The following QRICH1 variants were observed in gnomAD, a reference collection of about 807,000 sequenced individuals.
The protein encoded by QRICH1 is transcriptional regulator QRICH1.
QRICH1 carries 16 observed loss-of-function variants against 87.1 expected under a neutral mutation model. That is an observed-to-expected ratio of 0.18 (90% CI 0.12 to 0.28). QRICH1 has a LOEUF of 0.28. Ranked by LOEUF, QRICH1 falls within the 10% of genes least tolerant of loss-of-function variation. The pLI is 1.00. For missense variants in QRICH1, 647 were observed against 951.7 expected, an observed-to-expected ratio of 0.68 and a Z score of 4.21; for synonymous variants, 367 against 368.4, an observed-to-expected ratio of 1.00 and a Z score of 0.05.
At chr3:49,060,379 G>C (rs1575352826) in intron 2 of QRICH1, among the ~76,000 whole-genome samples, 1 of 151,458 alleles carries the variant, frequency 6.6e-6, no homozygotes, top group East Asian at 1.9e-4. Flanking sequence ...ATTGTTATTA[G>C]AGACAGGGTT....
intron 2 of QRICH1, among the ~76,000 whole-genome samples, chr3:49,064,264 CAA>C (rs2093453444): frequency 9.5e-6 from 1 of 105,114 alleles, no homozygotes; most frequent in South Asian, 3.1e-4. Flanking sequence ...TTTTTGGAGA[CAA>C]GAGTCTCAGT....
intron 6 of QRICH1, among the ~76,000 whole-genome samples, chr3:49,041,199 A>C (rs2093307830): frequency 6.6e-6 from 1 of 151,738 alleles, no homozygotes; most frequent in Non-Finnish European, 1.5e-5. Flanking sequence ...TGAACTCCCG[A>C]CCTCAAGTGA....
At chr3:49,091,869 G>A (rs888526488) in intron 1 of QRICH1, among the ~76,000 whole-genome samples, 4 of 152,060 alleles carry the variant, frequency 2.6e-5, no homozygotes, top group African/African-American at 9.7e-5. Flanking sequence ...TCAGGAGTTC[G>A]AGACCAGTCT....
At chr3:49,053,932 T>C (rs1216207095) in intron 3 of QRICH1, among the ~76,000 whole-genome samples, 1 of 152,138 alleles carries the variant, frequency 6.6e-6, no homozygotes, top group Non-Finnish European at 1.5e-5. Context: ...GTCTTATTCA[T>C]CTCTATTCCC....
At chr3:49,048,027 C>T (rs2093348633) in intron 3 of QRICH1, among the ~76,000 whole-genome samples, 1 of 152,118 alleles carries the variant, frequency 6.6e-6, no homozygotes. Flanking sequence ...GCTCAAAGCA[C>T]TGCTCCCACA....
chr3:49,059,636 A>C (rs2093423500), intron 2 of QRICH1, among the ~76,000 whole-genome samples: 1 of 150,870 alleles, frequency 6.6e-6, no homozygotes, highest in African/African-American at 2.4e-5. Flanking sequence ...GTTGGCCAGG[A>C]TGGTCTCGAT....
intron 2 of QRICH1, among the ~76,000 whole-genome samples, chr3:49,070,481 C>T (rs1469560513): frequency 6.6e-6 from 1 of 152,152 alleles, no homozygotes; most frequent in Middle Eastern, 3.4e-3. Flanking sequence ...GCACTTTTGC[C>T]CAGGATGGAG....
At position 49,032,619 on chromosome 3, in the gene QRICH1, T is replaced by A. The variant is rs776285609; in HGVS notation, c.2047+3A>T. The A allele has an allele frequency of 6.4e-7, 1 of 1,567,470 alleles. No individual in the cohort carries two copies. Among genetic ancestry groups the A allele is most frequent in the Non-Finnish European group, 8.6e-7 (1 of 1,156,330 alleles). ...TTTTGCCATCCCTGCCTCCTTTCCCTACCTTTCTGGCCAGTCTGGTGTATT... is the reference window on the plus strand; with the variant it reads ...TTTTGCCATCCCTGCCTCCTTTCCCAACCTTTCTGGCCAGTCTGGTGTATT... On this transcript the variant is annotated splice_donor_region_variant and intron_variant, in intron 8 of 9. Transcript: ENST00000395443.
chr3:49,051,436 G>T lies in QRICH1; in HGVS notation c.1339-4190C>A, dbSNP rs1309306944. Reference sequence around the variant, plus strand: ...GGGTTTTTCTCTGCCAGGCCCTTACGTGTTTGTCAACCATAGAGCTCCTCT... The same window carrying T: ...GGGTTTTTCTCTGCCAGGCCCTTACTTGTTTGTCAACCATAGAGCTCCTCT... On this transcript the variant is annotated intron_variant, in intron 3 of 9. Transcript: ENST00000395443. Among the ~76,000 whole-genome samples, 3 of 151,846 alleles carry T rather than the reference G, an allele frequency of 2.0e-5. No individual in the cohort carries two copies. In the South Asian group the frequency reaches 6.2e-4, roughly 32 times the overall value.
chr3:49,043,788 G>C (rs908727193), intron 6 of QRICH1, among the ~76,000 whole-genome samples: 36 of 152,056 alleles, frequency 2.4e-4, no homozygotes, highest in African/African-American at 8.7e-4. Context: ...AGCCAAGATC[G>C]TGCCACTGCA....
chr3:49,090,742 C>A (rs956796823), intron 1 of QRICH1, among the ~76,000 whole-genome samples: 1 of 152,094 alleles, frequency 6.6e-6, no homozygotes, highest in Non-Finnish European at 1.5e-5. Flanking sequence ...CAAAGGAGCA[C>A]TCCTTCCCTC....
At chr3:49,062,205 CAT>C (rs1313102924) in intron 2 of QRICH1, among the ~76,000 whole-genome samples, 1 of 151,868 alleles carries the variant, frequency 6.6e-6, no homozygotes, top group East Asian at 1.9e-4. Context: ...CGTGGTTACA[CAT>C]GCTTGTAATC....
At chr3:49,072,763 TG>T (rs776108118) in intron 2 of QRICH1, among the ~76,000 whole-genome samples, 22 of 151,960 alleles carry the variant, frequency 1.4e-4, no homozygotes, top group Non-Finnish European at 2.8e-4. Flanking sequence ...CTACTTCAGC[TG>T]GGAACAGTGG....
chr3:49,069,111 T>TATTA (rs1245881222), intron 2 of QRICH1, among the ~76,000 whole-genome samples: 1 of 145,578 alleles, frequency 6.9e-6, no homozygotes, highest in African/African-American at 2.5e-5. Flanking sequence ...ATTATTATTT[T>TATTA]TTTTTTTTTT....
upstream of QRICH1, chr3:49,094,168 G>A (rs2042336709): frequency 7.6e-6 from 3 of 395,818 alleles, no homozygotes; most frequent in South Asian, 1.3e-4. Flanking sequence ...CTTCAGCAGG[G>A]GAAGGTGGCC....
intron 3 of QRICH1, among the ~76,000 whole-genome samples, chr3:49,055,379 A>G (rs1227340139): frequency 6.6e-6 from 1 of 152,034 alleles, no homozygotes; most frequent in Non-Finnish European, 1.5e-5. Flanking sequence ...GGGACCAGAT[A>G]TTTTACCAAT....
intron 3 of QRICH1, among the ~76,000 whole-genome samples, chr3:49,053,729 G>A (rs958874141): frequency 1.3e-5 from 2 of 152,116 alleles, no homozygotes; most frequent in Non-Finnish European, 2.9e-5. Flanking sequence ...CACAGATGGC[G>A]GTTGGTGTGA....
At position 49,046,582 on chromosome 3, in the gene QRICH1, G is replaced by A; in HGVS notation, c.1517-3C>T. On this transcript the variant is annotated splice_polypyrimidine_tract_variant and splice_region_variant and intron_variant, in intron 4 of 9. Transcript: ENST00000395443. The stretch of plus-strand genomic sequence containing the variant: ...CTGGAATCGCAGCAGTTGGCGCCCT[G>A]CAACGGAAGCCTCAAAAATGAATGA... 2 of 1,612,552 alleles carry A rather than the reference G, an allele frequency of 1.2e-6. No individual in the cohort carries two copies. Among genetic ancestry groups the A allele is most frequent in the Non-Finnish European group, 1.7e-6 (2 of 1,179,588 alleles).
At chr3:49,037,073 T>TAAA (rs60963227) in intron 6 of QRICH1, among the ~76,000 whole-genome samples, 5,919 of 92,362 alleles carry the variant, frequency 0.064, 254 homozygotes, top group Non-Finnish European at 0.091. Context: ...CCCCGTCTCT[T>TAAA]AAAAAAAAAA....
Sources: allele counts gnomAD v4.1 joint callset (sites outside exome capture counted in the v4.1 genomes callset), GRCh38; gene constraint gnomAD v4.1.1; transcripts MANE v1.5; gene names NCBI Gene and HGNC (gene_info 2026-07-23, HGNC 2026-07-21).